The following MS4A7 variants were observed in gnomAD, a reference collection of about 807,000 sequenced individuals.
MS4A7 encodes membrane-spanning 4-domains subfamily A member 7.
Under a neutral mutation model 23.5 loss-of-function variants are expected in MS4A7, and 21 were observed. The observed-to-expected ratio is 0.89, with a 90% CI of 0.63 to 1.29. The LOEUF (loss-of-function observed/expected upper bound fraction) is 1.29. Ranked by LOEUF, MS4A7 falls within the 50% of genes most tolerant of loss-of-function variation. The pLI is 0.00. For missense variants in MS4A7, 263 were observed against 274.2 expected (o/e 0.96, Z 0.29); for synonymous variants, 111 against 107.4 (o/e 1.03, Z -0.21).
chr11:60,387,425 T>C (rs7934961), intron 4 of MS4A7, among the ~76,000 whole-genome samples: 152,054 of 152,334 alleles, frequency 1, 75,888 homozygotes, highest in Middle Eastern at 1. Context: ...TGAAATAAAC[T>C]TCTTTCAGTC....
Position 60,394,527 on chromosome 11 carries a change from G to A in MS4A7, c.*666G>A, listed in dbSNP as rs140975197. ...TTAAAAATGGCCTTCTTGGCTGGGC[G>A]CGGTGGCTCACTCCTGTAATCCCAG... On this transcript the variant is annotated 3_prime_UTR_variant, in exon 7 of 7. Transcript: ENST00000300184. The A allele has an allele frequency of 0.037, 5,635 of 152,838 alleles. 185 individuals carry two copies. The highest frequency in any genetic ancestry group is 0.057 in the Non-Finnish European group (3,925 of 68,486). 9.5% of individuals were successfully genotyped at this position (152,838 alleles called of 1,614,324 possible). A position where few individuals can be genotyped will look rare whatever the true frequency, so the allele number is the denominator to read the frequency against.
At chr11:60,381,739 C>T (rs2085430318) in intron 1 of MS4A7, among the ~76,000 whole-genome samples, 1 of 152,142 alleles carries the variant, frequency 6.6e-6, no homozygotes, top group Non-Finnish European at 1.5e-5. Flanking sequence ...TCATCTTATC[C>T]AACCTGTACC....
intron 2 of MS4A7, 89 bp from the exon 3 acceptor site, chr11:60,384,999 T>TTTA (rs398115440): frequency 4.0e-6 from 5 of 1,236,772 alleles, no homozygotes; most frequent in Non-Finnish European, 5.7e-6. Flanking sequence ...TAATGTATTT[T>TTTA]ATACTCTTTA....
intron 4 of MS4A7, among the ~76,000 whole-genome samples, chr11:60,388,529 G>A (rs1444623884): frequency 1.3e-5 from 2 of 152,352 alleles, no homozygotes; most frequent in East Asian, 3.9e-4. Context: ...CCAGCCTCAT[G>A]CACCATCCAT....
intron 5 of MS4A7, 51 bp from the exon 6 acceptor site, chr11:60,392,634 C>A (rs1162459548): frequency 6.9e-7 from 1 of 1,443,908 alleles, no homozygotes; most frequent in African/African-American, 1.4e-5. Flanking sequence ...CTTAGCCAGG[C>A]ACAAGGGCTA....
intron 1 of MS4A7, among the ~76,000 whole-genome samples, 191 bp downstream of exon 1, chr11:60,378,855 G>T (rs1349336603): frequency 6.6e-6 from 1 of 152,214 alleles, no homozygotes; most frequent in African/African-American, 2.4e-5. Flanking sequence ...ACCATTCTTA[G>T]GTTTCCCTCA....
chr11:60,389,648 C>T lies in MS4A7; in HGVS notation c.546+52C>T, dbSNP rs750493282. 13 of 1,501,910 alleles carry T rather than the reference C, an allele frequency of 8.7e-6. No homozygotes were observed. In the East Asian group the frequency reaches 2.0e-4, roughly 23 times the overall value. The allele number at this position is 1,501,910 out of a possible 1,614,324, so 93.0% of individuals were successfully genotyped here. A position where few individuals can be genotyped will look rare whatever the true frequency, so the allele number is the denominator to read the frequency against. On this transcript the variant is annotated intron_variant, in intron 5 of 6. Coordinates refer to ENST00000300184, the MANE Select transcript of MS4A7 (RefSeq NM_021201.5). ...GTCATGTGAAATCTCTGTGTCTCCC[C>T]TTTGCATACTCTCTGCTTTTCTGGC...
chr11:60,384,168 G>A (rs2085459903), intron 2 of MS4A7, among the ~76,000 whole-genome samples: 1 of 152,144 alleles, frequency 6.6e-6, no homozygotes, highest in Admixed American at 6.5e-5. Flanking sequence ...AGTACAGCAG[G>A]TAGGGTACTC....
intron 2 of MS4A7, among the ~76,000 whole-genome samples, chr11:60,384,795 T>G (rs1449413581): frequency 2.0e-5 from 3 of 152,236 alleles, no homozygotes; most frequent in African/African-American, 7.2e-5. Flanking sequence ...CTTTTTTATC[T>G]ACTTTTCAAG....
In MS4A7 at chr11:60,395,839, G is replaced by C. The variant is rs2085611411; in HGVS notation, c.*1978G>C. 6.6e-6 allele frequency: 1 copy of C among 152,066 alleles called. No homozygotes were observed. Among genetic ancestry groups the C allele is most frequent in the African/African-American group, 2.4e-5 (1 of 41,402 alleles). 9.4% of individuals were successfully genotyped at this position (152,066 alleles called of 1,614,324 possible). ...GATGGATATGTTAATTAGCTGGATT[G>C]TGGTAATCATTTTGGAATGTATATG... On this transcript the variant is annotated 3_prime_UTR_variant, in exon 7 of 7. Coordinates refer to ENST00000300184, the MANE Select transcript of MS4A7 (RefSeq NM_021201.5).
Position 60,393,950 on chromosome 11 carries a change from T to G in MS4A7, c.*89T>G. ...TTCCTGAAATCTCTGCCATTTTAGA[T>G]ACTGTGAAACAAACTAAAAAAAAAA... On this transcript the variant is annotated 3_prime_UTR_variant, in exon 7 of 7. Coordinates refer to ENST00000300184, the MANE Select transcript of MS4A7 (RefSeq NM_021201.5). The G allele has an allele frequency of 1.3e-6, 1 of 777,848 alleles. No individual in the cohort carries two copies. The highest frequency in any genetic ancestry group is 2.0e-6 in the Non-Finnish European group (1 of 495,978). 48.2% of individuals were successfully genotyped at this position (777,848 alleles called of 1,614,324 possible).
Position 60,395,112 on chromosome 11 carries a change from A to G in MS4A7, c.*1251A>G, listed in dbSNP as rs1420811814. 2.4e-6 allele frequency: 1 copy of G among 416,324 alleles called. No individual in the cohort carries two copies. The highest frequency in any genetic ancestry group is 4.3e-6 in the Non-Finnish European group (1 of 233,318). 25.8% of individuals were successfully genotyped at this position (416,324 alleles called of 1,614,324 possible). ...ATTTTGATCTATAGCACAGTTTTGT[A>G]ATTCAGATCATCACCCCTGCACTTT... On this transcript the variant is annotated 3_prime_UTR_variant, in exon 7 of 7. Transcript: ENST00000300184.
At chr11:60,386,615 A>G in intron 3 of MS4A7, 102 bp from the exon 4 acceptor site, 1 of 938,820 alleles carries the variant, frequency 1.1e-6, no homozygotes, top group Non-Finnish European at 1.7e-6. Flanking sequence ...TCTCTCCCTA[A>G]AAGTTTTCCA....
intron 3 of MS4A7, 63 bp downstream of exon 3, chr11:60,385,285 G>T: frequency 1.9e-6 from 3 of 1,588,280 alleles, no homozygotes; most frequent in Non-Finnish European, 2.6e-6. Context: ...GTGCATAGTC[G>T]TGGAGTGACT....
intron 3 of MS4A7, 105 bp downstream of exon 3, chr11:60,385,327 G>T (rs1298465060): frequency 2.3e-6 from 3 of 1,292,126 alleles, no homozygotes; most frequent in Non-Finnish European, 3.3e-6. Context: ...GCAAAAGGCG[G>T]CAAGGCCTCG....
rs749667617 is a variant in MS4A7 at position 60,385,158 on chromosome 11, C to A, written c.218C>A (p.Ser73Tyr). 6.2e-7 allele frequency: 1 copy of A among 1,614,152 alleles called. No homozygotes were observed. Among genetic ancestry groups the A allele is most frequent in the Non-Finnish European group, 8.5e-7 (1 of 1,179,998 alleles). The change falls in exon 3 of 7, where the codon TCC becomes TAC. Residue 73 changes from serine (S) to tyrosine (Y), a missense_variant. Ser to Tyr is a moderately radical substitution (Grantham distance 144). Coordinates refer to ENST00000300184, the MANE Select transcript of MS4A7 (RefSeq NM_021201.5). Reference sequence around the variant, plus strand: ...ATCTTGGTTTTTGCTCCCTACCCCTCCCACTTCAATCCAGCAATTTCCACC... The same window carrying A: ...ATCTTGGTTTTTGCTCCCTACCCCTACCACTTCAATCCAGCAATTTCCACC... The part of the protein sequence containing the change: ...GAILVFAPYP[S>Y]HFNPAISTTL...
chr11:60,379,673 C>T (rs1199708835), intron 1 of MS4A7, among the ~76,000 whole-genome samples: 1 of 152,136 alleles, frequency 6.6e-6, no homozygotes, highest in Non-Finnish European at 1.5e-5. Context: ...GCTGGGATTA[C>T]AGGCACTCAC....
intron 2 of MS4A7, chr11:60,383,515 G>A (rs185687088): frequency 6.0e-5 from 18 of 298,812 alleles, no homozygotes; most frequent in Admixed American, 3.5e-4. Flanking sequence ...CAATTAACAG[G>A]TTAGTCTTTC....
At chr11:60,385,825 T>A (rs1002240887) in intron 3 of MS4A7, among the ~76,000 whole-genome samples, 4 of 152,208 alleles carry the variant, frequency 2.6e-5, no homozygotes, top group Admixed American at 1.3e-4. Flanking sequence ...GACTCACACT[T>A]CCCACAAAGG....
Sources: gnomAD v4.1 joint callset for allele counts (sites outside exome capture counted in the v4.1 genomes callset) on GRCh38, gnomAD v4.1.1 for gene constraint, MANE v1.5 for transcripts, NCBI Gene and HGNC (gene_info 2026-07-23, HGNC 2026-07-21) for gene names.